ASMT: variants seen among roughly 807,000 people sequenced by gnomAD.
ASMT encodes acetylserotonin N-methyltransferase.
Under a neutral mutation model 41.3 loss-of-function variants are expected in ASMT, and 53 were observed. That is an observed-to-expected ratio of 1.28 (90% CI 1.03 to 1.61). ASMT has a LOEUF of 1.61. ASMT is among the 40% of genes most tolerant of loss of function. The pLI is 0.00. For missense variants in ASMT, 531 were observed against 441.3 expected, an observed-to-expected ratio of 1.20 and a Z score of -1.82; for synonymous variants, 231 against 184.8, an observed-to-expected ratio of 1.25 and a Z score of -2.03.
chrX:1,633,319 A>T, intron 7 of ASMT, 29 bp downstream of exon 7: 2 of 1,613,802 alleles, frequency 1.2e-6, no homozygotes, highest in Middle Eastern at 1.7e-4. Context: ...GGAAGCAGAG[A>T]TGTGTCTCAC....
Position 1,624,467 on chromosome X carries a change from G to T in ASMT, c.374+69G>T, listed in dbSNP as rs1412740401. The T allele has an allele frequency of 4.1e-5, 61 of 1,475,858 alleles. No individual in the cohort carries two copies. In the African/African-American group the frequency reaches 8.5e-4, roughly 21 times the overall value. The allele number at this position is 1,475,858 out of a possible 1,614,324, so 91.4% of individuals were successfully genotyped here. ...CCCAGGCAGATGCTGGGAGGTGGGG[G>T]CTGCCCCCAGGCAGATGCTGGGAGG... On this transcript the variant is annotated intron_variant, in intron 3 of 8. Coordinates refer to ENST00000381241, the MANE Select transcript of ASMT (RefSeq NM_001171038.2).
intron 5 of ASMT, among the ~76,000 whole-genome samples, chrX:1,632,215 G>A (rs1934801930): frequency 1.3e-5 from 2 of 152,126 alleles, no homozygotes; most frequent in Admixed American, 6.6e-5. Flanking sequence ...GGCTGGACAG[G>A]TGCGCCGGCT....
chrX:1,635,664 C>G (rs1228328356), intron 7 of ASMT, among the ~76,000 whole-genome samples: 14 of 151,894 alleles, frequency 9.2e-5, no homozygotes, highest in Non-Finnish European at 2.9e-5. Context: ...GGGTTCGAGA[C>G]CAGCCTCAGC....
intron 7 of ASMT, chrX:1,636,237 G>A (rs1210137531): frequency 3.4e-5 from 26 of 755,272 alleles, no homozygotes; most frequent in East Asian, 1.3e-4. Flanking sequence ...GATTACAGGC[G>A]TGAGCCACCG....
At chrX:1,635,722 C>G (rs1159895738) in intron 7 of ASMT, among the ~76,000 whole-genome samples, 3 of 151,500 alleles carry the variant, frequency 2.0e-5, no homozygotes, top group African/African-American at 4.8e-5. Flanking sequence ...ATTAGCCGGG[C>G]GTGGTGGCGG....
chrX:1,627,777 A>G lies in ASMT; in HGVS notation c.443+6A>G. On this transcript the variant is annotated splice_donor_region_variant and intron_variant, in intron 4 of 8. Coordinates refer to ENST00000381241, the MANE Select transcript of ASMT (RefSeq NM_001171038.2). ...CTTTTTACGGCCATCTACAGGTAAC[A>G]CCCATCACTTTGAAACCAACAACTC... 6.2e-7 allele frequency: 1 copy of G among 1,613,492 alleles called. No homozygotes were observed.
chrX:1,626,365 G>C lies in ASMT; in HGVS notation c.375-1338G>C, dbSNP rs181979146. ...TTCACCTGCCTCAGCCTCCCCAGTA[G>C]CTGGGAGTATAGGCATCCACCACAC... On this transcript the variant is annotated intron_variant, in intron 3 of 8. Transcript: ENST00000381241. 2.3e-3 allele frequency among the ~76,000 whole-genome samples: 344 copies of C among 151,632 alleles called. 4 individuals carry two copies. The highest frequency in any genetic ancestry group is 8.0e-3 in the African/African-American group (332 of 41,370).
At chrX:1,623,507 G>A (rs1181282022) in intron 2 of ASMT, among the ~76,000 whole-genome samples, 194 bp downstream of exon 2, 5 of 152,164 alleles carry the variant, frequency 3.3e-5, no homozygotes, top group Non-Finnish European at 5.9e-5. Flanking sequence ...GCTGAGGCAG[G>A]AGAATGGCAT....
chrX:1,627,339 A>C (rs1169784157), intron 3 of ASMT, among the ~76,000 whole-genome samples: 2 of 145,318 alleles, frequency 1.4e-5, no homozygotes, highest in Non-Finnish European at 3.0e-5. Context: ...AAATAAAATA[A>C]GGCCAGGTGT....
chrX:1,623,881 T>C (rs1485275891), intron 2 of ASMT, among the ~76,000 whole-genome samples: 46 of 152,032 alleles, frequency 3.0e-4, no homozygotes, highest in Non-Finnish European at 1.5e-5. Flanking sequence ...GCTCCTGACC[T>C]CAGGTGATCC....
At chrX:1,626,021 T>C (rs2149464908) in intron 3 of ASMT, among the ~76,000 whole-genome samples, 1 of 151,408 alleles carries the variant, frequency 6.6e-6, no homozygotes, top group African/African-American at 2.4e-5. Context: ...CAAATTCTTA[T>C]TATGTAGATG....
intron 7 of ASMT, among the ~76,000 whole-genome samples, chrX:1,633,675 T>C (rs190076632): frequency 1.4e-5 from 2 of 144,346 alleles, no homozygotes; most frequent in East Asian, 4.0e-4. Flanking sequence ...AGTCTCACTC[T>C]CTTGCCCGGG....
chrX:1,627,360 A>G (rs56359631), intron 3 of ASMT, among the ~76,000 whole-genome samples: 44,373 of 142,244 alleles, frequency 0.31, 6,564 homozygotes, highest in Middle Eastern at 0.45. Flanking sequence ...GGTGGCTCAC[A>G]CCTGTAACCC....
At chrX:1,628,700 T>C (rs757512448) in intron 4 of ASMT, among the ~76,000 whole-genome samples, 1 of 151,128 alleles carries the variant, frequency 6.6e-6, no homozygotes, top group African/African-American at 2.4e-5. Flanking sequence ...CTCCTCTCTT[T>C]TCCTCTCCAT....
chrX:1,629,779 C>T, intron 4 of ASMT, 42 bp from the exon 5 acceptor site: 1 of 1,593,962 alleles, frequency 6.3e-7, no homozygotes, highest in Non-Finnish European at 8.6e-7. Context: ...GGGCACGTCC[C>T]CAGATCCTCA....
In ASMT at chrX:1,642,838, G is replaced by A; in HGVS notation, c.946G>A (p.Glu316Lys). ...TCTGGTAATTGAAAGCCTCCTGGAT[G>A]AAGACAGGCGAGGTCCTCTGCTCAC... ...GILVIESLLD[E>K]DRRGPLLTQL... Residue 316 changes from glutamate (E) to lysine (K), a missense_variant, in exon 9 of 9, where the codon GAA (glutamate) becomes AAA (lysine). By Grantham distance (56) the Glu-to-Lys change is moderately conservative. Transcript: ENST00000381241. The A allele has an allele frequency of 1.2e-6, 2 of 1,613,988 alleles. No homozygotes were observed. The highest frequency in any genetic ancestry group is 1.7e-6 in the Non-Finnish European group (2 of 1,179,874).
chrX:1,636,684 G>C (rs1223110964), intron 8 of ASMT, 124 bp downstream of exon 8: 1 of 1,461,444 alleles, frequency 6.8e-7, no homozygotes, highest in Non-Finnish European at 9.6e-7. Flanking sequence ...GCCCAATATG[G>C]CTTTCCTTTT....
At chrX:1,619,054 G>T (rs1934239393) in intron 1 of ASMT, among the ~76,000 whole-genome samples, 1 of 152,174 alleles carries the variant, frequency 6.6e-6, no homozygotes, top group South Asian at 2.1e-4. Flanking sequence ...ATTAGCTAAT[G>T]CAGCTTTCAT....
intron 8 of ASMT, among the ~76,000 whole-genome samples, chrX:1,642,266 T>C (rs1437353789): frequency 6.7e-6 from 1 of 148,508 alleles, no homozygotes; most frequent in African/African-American, 2.5e-5. Flanking sequence ...ACAGCCTCTG[T>C]GTGTGTGATG....
Sources: allele counts gnomAD v4.1 joint callset (sites outside exome capture counted in the v4.1 genomes callset), GRCh38; gene constraint gnomAD v4.1.1; transcripts MANE v1.5; gene names NCBI Gene and HGNC (gene_info 2026-07-23, HGNC 2026-07-21).